The following PRKCQ variants were observed in gnomAD, a reference collection of about 807,000 sequenced individuals.
PRKCQ encodes the protein protein kinase C theta type.
PRKCQ carries 41 observed loss-of-function variants against 91.2 expected under a neutral mutation model. The ratio of observed to expected loss-of-function variants is 0.45; its 90% CI spans 0.35 to 0.58. PRKCQ has a LOEUF of 0.58. PRKCQ is among the 20% of genes least tolerant of loss of function. PRKCQ has a pLI of 0.00. For synonymous variants in PRKCQ, 307 were observed against 316.9 expected (o/e 0.97, Z 0.33); for missense variants, 673 against 896.5 (o/e 0.75, Z 3.18).
rs1226038814 is a variant in PRKCQ at position 6,548,078 on chromosome 10, G to A, written c.-10+32133C>T. Among the ~76,000 whole-genome samples the A allele has an allele frequency of 3.3e-5, 5 of 152,290 alleles. No homozygotes were observed. In the South Asian group the frequency reaches 1.0e-3, roughly 32 times the overall value. On this transcript the variant is annotated intron_variant, in intron 1 of 17. Coordinates refer to ENST00000263125, the MANE Select transcript of PRKCQ (RefSeq NM_006257.5). Reference sequence around the variant, plus strand: ...CCATCAAAAAGTGGGTGAAGGATATGAGCAGACACTTCTCAAAAGAAGACA... The same window carrying A: ...CCATCAAAAAGTGGGTGAAGGATATAAGCAGACACTTCTCAAAAGAAGACA...
intron 15 of PRKCQ, among the ~76,000 whole-genome samples, chr10:6,447,800 G>C (rs1831007013): frequency 6.6e-6 from 1 of 152,208 alleles, no homozygotes; most frequent in African/African-American, 2.4e-5. Context: ...CCCTGAAGGT[G>C]CTTACAGACA....
In PRKCQ at chr10:6,576,096, C is replaced by A. The variant is rs1841225370; in HGVS notation, c.-10+4115G>T. Among the ~76,000 whole-genome samples the A allele has an allele frequency of 6.6e-6, 1 of 152,132 alleles. No homozygotes were observed. The highest frequency in any genetic ancestry group is 1.5e-5 in the Non-Finnish European group (1 of 68,014). On this transcript the variant is annotated intron_variant, in intron 1 of 17. Transcript: ENST00000263125. The surrounding 1 kb of genome is among the most constrained non-coding windows in gnomAD (Gnocchi z 4.2). ...GAATGTGGAATAATTGGGACCCTTT[C>A]TACCACTGGTGGGAATGTAAAACGG...
At chr10:6,501,084 T>C (rs1010631588) in intron 4 of PRKCQ, among the ~76,000 whole-genome samples, 3 of 152,222 alleles carry the variant, frequency 2.0e-5, no homozygotes, top group Middle Eastern at 3.4e-3. Context: ...GTTTTCAGCA[T>C]TGTATGATAG....
intron 12 of PRKCQ, among the ~76,000 whole-genome samples, chr10:6,468,895 C>T (rs1042066770): frequency 6.6e-6 from 1 of 152,018 alleles, no homozygotes; most frequent in African/African-American, 2.4e-5. Flanking sequence ...ATAGGACAGC[C>T]GATGGAAAGA....
rs367923851 is a variant in PRKCQ at position 6,452,433 on chromosome 10, C to A, written c.1647+4241G>T. Among the ~76,000 whole-genome samples, 964 of 151,166 alleles carry A rather than the reference C, an allele frequency of 6.4e-3. 11 individuals are homozygous for A. The highest frequency in any genetic ancestry group is 0.022 in the African/African-American group (904 of 41,070). ...CAATGATATAAAAGAGGATACAAAC[C>A]AATGGAAGAACATTCCATGCTCATG... On this transcript the variant is annotated intron_variant, in intron 15 of 17. Transcript: ENST00000263125.
intron 1 of PRKCQ, among the ~76,000 whole-genome samples, chr10:6,524,066 C>A (rs148941441): frequency 1.3e-5 from 2 of 152,296 alleles, no homozygotes; most frequent in African/African-American, 4.8e-5. Context: ...TCTGTTCACG[C>A]CATTCCTTCT....
intron 8 of PRKCQ, chr10:6,489,519 C>T (rs758517027): frequency 9.8e-6 from 5 of 508,554 alleles, no homozygotes; most frequent in Admixed American, 6.4e-5. Context: ...CTACTTAAGA[C>T]GACGGCCTGC....
At chr10:6,435,132 T>A (rs1187978298) in intron 16 of PRKCQ, among the ~76,000 whole-genome samples, 1 of 152,182 alleles carries the variant, frequency 6.6e-6, no homozygotes, top group African/African-American at 2.4e-5. Context: ...TCTTTGGCAA[T>A]CATCAACTGG....
intron 14 of PRKCQ, among the ~76,000 whole-genome samples, 153 bp downstream of exon 14, chr10:6,462,150 C>G (rs1226142378): frequency 6.6e-6 from 1 of 152,192 alleles, no homozygotes; most frequent in Non-Finnish European, 1.5e-5. Context: ...TGTAAGTCAT[C>G]ATCCATGTAA....
In PRKCQ at chr10:6,479,006, T is replaced by A; in HGVS notation, c.1339A>T (p.Thr447Ser). Reference sequence around the variant, plus strand: ...AGAAGCCATACCTTGGTCTGGAATGTACAAAACATGTGCGTCAGAAACGGA... The same window carrying A: ...AGAAGCCATACCTTGGTCTGGAATGAACAAAACATGTGCGTCAGAAACGGA... ...EHPFLTHMFC[T>S]FQTKENLFFV... The change falls in exon 12 of 18, where the codon ACA becomes TCA. Residue 447 changes from threonine to serine, a missense_variant. Transcript: ENST00000263125. The A allele has an allele frequency of 6.2e-7, 1 of 1,614,182 alleles. No homozygotes were observed. Among genetic ancestry groups the A allele is most frequent in the Non-Finnish European group, 8.5e-7 (1 of 1,180,028 alleles).
intron 12 of PRKCQ, among the ~76,000 whole-genome samples, chr10:6,464,737 C>T (rs1835551292): frequency 6.6e-6 from 1 of 152,222 alleles, no homozygotes. Context: ...CGTGAGCCGC[C>T]ATACCCAGTC....
At chr10:6,513,758 TG>T (rs965763792) in intron 2 of PRKCQ, among the ~76,000 whole-genome samples, 59 of 152,268 alleles carry the variant, frequency 3.9e-4, no homozygotes, top group African/African-American at 1.2e-3. Flanking sequence ...AGGCTTTTGG[TG>T]GGGGATGCAA....
At position 6,572,864 on chromosome 10, in the gene PRKCQ, C is replaced by T. The variant is rs562830645; in HGVS notation, c.-10+7347G>A. On this transcript the variant is annotated intron_variant, in intron 1 of 17. Coordinates refer to ENST00000263125, the MANE Select transcript of PRKCQ (RefSeq NM_006257.5). ...ATTCCCACCACCAAGAGTGTAAAAG[C>T]GTTCCTATTTCTCTGCAACTTTGCC... is the stretch of plus-strand genomic sequence containing the variant. 3.3e-5 allele frequency among the ~76,000 whole-genome samples: 5 copies of T among 152,222 alleles called. No individual in the cohort carries two copies. The South Asian group carries it at 8.3e-4, about 25-fold the overall frequency.
chr10:6,530,870 C>A (rs1839366424), intron 1 of PRKCQ, among the ~76,000 whole-genome samples: 1 of 152,192 alleles, frequency 6.6e-6, no homozygotes, highest in Non-Finnish European at 1.5e-5. Context: ...ATGAAACTGA[C>A]CACCCATTGG....
chr10:6,470,689 G>A (rs141481559), intron 12 of PRKCQ, among the ~76,000 whole-genome samples: 7 of 152,286 alleles, frequency 4.6e-5, no homozygotes, highest in African/African-American at 1.7e-4. Context: ...GGTGGCTCAT[G>A]CCTATAATCC....
chr10:6,458,557 A>T (rs368049168), intron 14 of PRKCQ, among the ~76,000 whole-genome samples: 5 of 152,188 alleles, frequency 3.3e-5, no homozygotes, highest in African/African-American at 1.2e-4. Flanking sequence ...TTCCATCATG[A>T]GGTTAACGGA....
At chr10:6,475,991 G>A (rs947652768) in intron 12 of PRKCQ, among the ~76,000 whole-genome samples, 1 of 152,110 alleles carries the variant, frequency 6.6e-6, no homozygotes, top group African/African-American at 2.4e-5. Context: ...TGCTGTGGAT[G>A]CACTTGTGGC....
chr10:6,493,718 A>G (rs926656968), intron 7 of PRKCQ, among the ~76,000 whole-genome samples: 1 of 152,176 alleles, frequency 6.6e-6, no homozygotes, highest in African/African-American at 2.4e-5. Context: ...ATTTGATCTA[A>G]GCAAGCAAAA....
At chr10:6,561,731 C>T (rs1840640904) in intron 1 of PRKCQ, among the ~76,000 whole-genome samples, 1 of 152,194 alleles carries the variant, frequency 6.6e-6, no homozygotes, top group East Asian at 1.9e-4. Flanking sequence ...CCACCATTCT[C>T]GCTGGTTTTT....
Sources: gnomAD v4.1 joint callset for allele counts (sites outside exome capture counted in the v4.1 genomes callset) on GRCh38, gnomAD v4.1.1 for gene constraint, Gnocchi (gnomAD v3.1) non-coding constraint, MANE v1.5 for transcripts, NCBI Gene and HGNC (gene_info 2026-07-23, HGNC 2026-07-21) for gene names.